The following KATNIP variants were observed in gnomAD, a reference collection of about 807,000 sequenced individuals.
KATNIP encodes the protein katanin-interacting protein.
Under a neutral mutation model 174.0 loss-of-function variants are expected in KATNIP, and 126 were observed. The ratio of observed to expected loss-of-function variants is 0.72; its 90% confidence interval spans 0.63 to 0.84. KATNIP has a LOEUF of 0.84. Among genes scored for constraint, KATNIP ranks in the 40% least tolerant of loss-of-function variants. The pLI, the probability that KATNIP is intolerant of heterozygous loss-of-function variation, is 0.00. For synonymous variants in KATNIP, 810 were observed against 835.7 expected, an observed-to-expected ratio of 0.97 and a Z score of 0.53; for missense variants, 1,958 against 2,109.7, an observed-to-expected ratio of 0.93 and a Z score of 1.41.
intron 1 of KATNIP, among the ~76,000 whole-genome samples, chr16:27,554,278 C>T (rs546590889): frequency 6.6e-6 from 1 of 152,258 alleles, no homozygotes; most frequent in East Asian, 1.9e-4. Flanking sequence ...GCCTGGCCAA[C>T]ATGGTGAAAC....
intron 13 of KATNIP, among the ~76,000 whole-genome samples, chr16:27,720,205 C>T (rs2080159334): frequency 6.6e-6 from 1 of 152,224 alleles, no homozygotes; most frequent in South Asian, 2.1e-4. Flanking sequence ...ATTCTCCTGC[C>T]TCCGCCTCCT....
chr16:27,721,513 G>A (rs778995969), intron 13 of KATNIP, 45 bp from the exon 14 acceptor site: 3 of 1,612,838 alleles, frequency 1.9e-6, no homozygotes, highest in Non-Finnish European at 2.5e-6. Context: ...TTTGGGGAGA[G>A]GCAGAAATGT....
At chr16:27,615,742 G>A (rs570431728) in intron 2 of KATNIP, among the ~76,000 whole-genome samples, 1 of 152,262 alleles carries the variant, frequency 6.6e-6, no homozygotes, top group East Asian at 1.9e-4. Context: ...CATGACAGAT[G>A]AGCAGATTCC....
At chr16:27,697,880 G>A (rs2078970230) in intron 8 of KATNIP, among the ~76,000 whole-genome samples, 1 of 152,068 alleles carries the variant, frequency 6.6e-6, no homozygotes, top group Non-Finnish European at 1.5e-5. Flanking sequence ...CCTGAACTGT[G>A]TGTGTGTGTT....
chr16:27,661,223 G>A (rs1395413454), intron 6 of KATNIP, among the ~76,000 whole-genome samples: 2 of 152,164 alleles, frequency 1.3e-5, no homozygotes, highest in Non-Finnish European at 2.9e-5. Context: ...TAATGTGAGA[G>A]AATATTTTAA....
At chr16:27,745,417 G>A (rs1427825859) in intron 15 of KATNIP, among the ~76,000 whole-genome samples, 6 of 152,208 alleles carry the variant, frequency 3.9e-5, no homozygotes, top group Admixed American at 3.9e-4. Flanking sequence ...GAGCAGAAAT[G>A]TGAGGAAATG....
At chr16:27,603,250 T>C (rs1259246806) in intron 2 of KATNIP, among the ~76,000 whole-genome samples, 1 of 152,234 alleles carries the variant, frequency 6.6e-6, no homozygotes, top group African/African-American at 2.4e-5. Flanking sequence ...GAACTATGCC[T>C]AGATTTTAGC....
intron 2 of KATNIP, among the ~76,000 whole-genome samples, chr16:27,582,885 C>A (rs74922366): frequency 0.028 from 4,225 of 152,222 alleles, 75 homozygotes; most frequent in Non-Finnish European, 0.041. Flanking sequence ...CAAAGCTAAT[C>A]CCTTGAAAGT....
In KATNIP at chr16:27,750,325, A is replaced by G. The variant is rs1344194287; in HGVS notation, c.3346+19A>G. 1 of 1,582,786 alleles carries G rather than the reference A, an allele frequency of 6.3e-7. No homozygotes were observed. The highest frequency in any genetic ancestry group is 8.6e-7 in the Non-Finnish European group (1 of 1,164,318). On this transcript the variant is annotated intron_variant, in intron 16 of 27. Transcript: ENST00000261588. ...GCGGGAGGTATGGCGTGTCTGTAAG[A>G]ATTTTCTCAGAGCCCCTATCTGTGA... is the stretch of plus-strand genomic sequence containing the variant.
At chr16:27,705,031 C>T (rs1434994626) in intron 12 of KATNIP, among the ~76,000 whole-genome samples, 1 of 151,634 alleles carries the variant, frequency 6.6e-6, no homozygotes, top group Non-Finnish European at 1.5e-5. Flanking sequence ...CTGCCTCAGC[C>T]GACTGAGTAG....
chr16:27,778,588 A>G lies in KATNIP; in HGVS notation c.4816A>G (p.Thr1606Ala). Residue 1606 changes from threonine to alanine, a missense_variant, in exon 28 of 28, where the codon ACC (threonine) becomes GCC (alanine). Transcript: ENST00000261588. ...SVVDPALRPKTCISEKETRRR... is the reference protein window; with the variant it reads ...SVVDPALRPKACISEKETRRR... ...TGTCATGACAGCCTTACGTCCCAAA[A>G]CCTGCATCAGCGAGAAGGAGACGAG... 1 of 1,613,578 alleles carries G rather than the reference A, an allele frequency of 6.2e-7. No homozygotes were observed. The highest frequency in any genetic ancestry group is 1.1e-5 in the South Asian group (1 of 91,002).
chr16:27,715,987 A>T (rs1184724600), intron 13 of KATNIP, among the ~76,000 whole-genome samples: 1 of 152,174 alleles, frequency 6.6e-6, no homozygotes, highest in Non-Finnish European at 1.5e-5. Flanking sequence ...AAAAAAAAAA[A>T]AAACTTGTAC....
intron 2 of KATNIP, among the ~76,000 whole-genome samples, chr16:27,584,941 G>A (rs2090837462): frequency 6.6e-6 from 1 of 152,142 alleles, no homozygotes; most frequent in African/African-American, 2.4e-5. Flanking sequence ...GCAAGTACAG[G>A]GCTCAGCTGA....
chr16:27,663,897 A>G (rs1221718015), intron 6 of KATNIP, among the ~76,000 whole-genome samples: 2 of 150,980 alleles, frequency 1.3e-5, no homozygotes, highest in African/African-American at 4.9e-5. Context: ...TGCAGCCTCA[A>G]TCTTCTGGGG....
chr16:27,695,267 C>T (rs1192029217), intron 8 of KATNIP, among the ~76,000 whole-genome samples: 1 of 152,242 alleles, frequency 6.6e-6, no homozygotes, highest in Admixed American at 6.5e-5. Context: ...CTCTGAATTC[C>T]TCAGTGGCTC....
intron 5 of KATNIP, among the ~76,000 whole-genome samples, chr16:27,645,879 G>C (rs1341443463): frequency 6.6e-6 from 1 of 152,162 alleles, no homozygotes; most frequent in Non-Finnish European, 1.5e-5. Flanking sequence ...CCTGGATCTC[G>C]TGGCCATCCC....
chr16:27,552,038 A>G (rs943707396), intron 1 of KATNIP, among the ~76,000 whole-genome samples: 1 of 152,222 alleles, frequency 6.6e-6, no homozygotes, highest in Non-Finnish European at 1.5e-5. Flanking sequence ...CCCTGTCTCA[A>G]AAAAACTCCA....
intron 5 of KATNIP, among the ~76,000 whole-genome samples, chr16:27,643,901 C>T (rs2076879122): frequency 6.6e-6 from 1 of 152,062 alleles, no homozygotes; most frequent in South Asian, 2.1e-4. Flanking sequence ...TTACCACCAC[C>T]ACCACCACCC....
intron 8 of KATNIP, among the ~76,000 whole-genome samples, chr16:27,694,202 C>T (rs1302292125): frequency 1.3e-5 from 2 of 152,190 alleles, no homozygotes; most frequent in African/African-American, 4.8e-5. Flanking sequence ...GTGTCTCCTG[C>T]CTTCTCCTGC....
Sources: allele counts gnomAD v4.1 joint callset (sites outside exome capture counted in the v4.1 genomes callset), GRCh38; gene constraint gnomAD v4.1.1; transcripts MANE v1.5; gene names NCBI Gene and HGNC (gene_info 2026-07-23, HGNC 2026-07-21).